ASAP1: variants seen among roughly 807,000 people sequenced by gnomAD.
The protein encoded by ASAP1 is ArfGAP with SH3 domain, ankyrin repeat and PH domain 1.
In ASAP1, 43 loss-of-function variants were observed where a neutral mutation model predicts 145.2. That is an observed-to-expected ratio of 0.30 (90% CI 0.23 to 0.38). ASAP1 has a LOEUF of 0.38. Among genes scored for constraint, ASAP1 ranks in the 10% least tolerant of loss-of-function variants. ASAP1 has a pLI of 1.00. For missense variants in ASAP1, 1,018 were observed against 1,355.3 expected (o/e 0.75, Z 3.91); for synonymous variants, 546 against 515.5 (o/e 1.06, Z -0.80).
chr8:130,201,698 A>C (rs1447920231), intron 5 of ASAP1, among the ~76,000 whole-genome samples: 1 of 152,236 alleles, frequency 6.6e-6, no homozygotes, highest in Non-Finnish European at 1.5e-5. Context: ...GGTTTGAGAA[A>C]GATATCCCTA....
At position 130,282,480 on chromosome 8, in the gene ASAP1, T is replaced by C. The variant is rs553560559; in HGVS notation, c.187-45486A>G. 2.6e-5 allele frequency among the ~76,000 whole-genome samples: 4 copies of C among 152,338 alleles called. No individual in the cohort carries two copies. The South Asian group carries it at 6.2e-4, about 24-fold the overall frequency. On this transcript the variant is annotated intron_variant, in intron 3 of 29. Coordinates refer to ENST00000518721, the MANE Select transcript of ASAP1 (RefSeq NM_018482.4). Reference sequence around the variant, plus strand: ...TCTGAAACTGCTTAAGGTTCACCAATTGCAATACGACTGTTACCATCTGCA... The same window carrying C: ...TCTGAAACTGCTTAAGGTTCACCAACTGCAATACGACTGTTACCATCTGCA...
At chr8:130,273,351 G>A (rs1258171248) in intron 3 of ASAP1, among the ~76,000 whole-genome samples, 2 of 152,064 alleles carry the variant, frequency 1.3e-5, no homozygotes, top group Admixed American at 6.6e-5. Context: ...GAAGTTCAGC[G>A]GTCCCTCCCA....
intron 3 of ASAP1, among the ~76,000 whole-genome samples, chr8:130,247,929 G>C (rs1818950897): frequency 6.6e-6 from 1 of 152,122 alleles, no homozygotes; most frequent in African/African-American, 2.4e-5. Flanking sequence ...ACAGAAAATA[G>C]GCTTAATATA....
chr8:130,076,883 C>T (rs2097463619), intron 26 of ASAP1, among the ~76,000 whole-genome samples: 1 of 151,692 alleles, frequency 6.6e-6, no homozygotes. Context: ...GCTGAGGAGG[C>T]ACAGTAAAAG....
chr8:130,120,050 G>C (rs1027707562), intron 18 of ASAP1, among the ~76,000 whole-genome samples: 4 of 152,220 alleles, frequency 2.6e-5, no homozygotes, highest in Non-Finnish European at 5.9e-5. Context: ...AGTAAAAACA[G>C]TTGAGCTGGT....
chr8:130,285,632 G>T (rs1434944917), intron 3 of ASAP1, among the ~76,000 whole-genome samples: 1 of 152,150 alleles, frequency 6.6e-6, no homozygotes, highest in Non-Finnish European at 1.5e-5. Context: ...ACAACAGGTT[G>T]GTTTTGTTTT....
At chr8:130,219,763 G>C (rs540443331) in intron 4 of ASAP1, among the ~76,000 whole-genome samples, 144 of 152,300 alleles carry the variant, frequency 9.5e-4, no homozygotes, top group African/African-American at 3.3e-3. Context: ...TGGCATCCAC[G>C]ACATTGTTGC....
At chr8:130,058,101 A>G in intron 28 of ASAP1, 25 bp from the exon 29 acceptor site, 1 of 1,610,032 alleles carries the variant, frequency 6.2e-7, no homozygotes, top group South Asian at 1.1e-5. Context: ...CTGGGTTTTA[A>G]TTGAAAGAAT....
intron 25 of ASAP1, among the ~76,000 whole-genome samples, chr8:130,086,631 C>T (rs1281337850): frequency 2.0e-5 from 3 of 152,086 alleles, no homozygotes; most frequent in Non-Finnish European, 4.4e-5. Context: ...TGGTGAAACC[C>T]CGTCTCCACA....
intron 3 of ASAP1, among the ~76,000 whole-genome samples, chr8:130,315,145 C>T (rs1019174898): frequency 6.6e-6 from 1 of 152,070 alleles, no homozygotes; most frequent in Non-Finnish European, 1.5e-5. Context: ...GCAAAAAATA[C>T]TACATATCAA....
intron 28 of ASAP1, 54 bp from the exon 29 acceptor site, chr8:130,058,130 G>A: frequency 6.3e-7 from 1 of 1,591,598 alleles, no homozygotes; most frequent in Non-Finnish European, 8.6e-7. Context: ...TGGAAAAAAA[G>A]AGCAGCGGTT....
At chr8:130,422,500 C>T (rs536684865) in intron 1 of ASAP1, among the ~76,000 whole-genome samples, 3 of 152,306 alleles carry the variant, frequency 2.0e-5, no homozygotes, top group South Asian at 2.1e-4. Context: ...TGTACTTTCC[C>T]GCCTTCTCCC....
intron 27 of ASAP1, among the ~76,000 whole-genome samples, chr8:130,062,564 C>T (rs1032141089): frequency 1.3e-5 from 2 of 152,156 alleles, no homozygotes; most frequent in African/African-American, 4.8e-5. Context: ...TAGGGGGAAT[C>T]CCTGAGGTGG....
chr8:130,108,565 G>A (rs1318564242), intron 24 of ASAP1, among the ~76,000 whole-genome samples: 14 of 152,068 alleles, frequency 9.2e-5, no homozygotes, highest in Admixed American at 4.6e-4. Flanking sequence ...TTGGGAGGCC[G>A]AGGCAGGTGG....
intron 3 of ASAP1, among the ~76,000 whole-genome samples, chr8:130,343,603 T>A (rs1353711198): frequency 1.3e-5 from 2 of 152,148 alleles, no homozygotes; most frequent in Non-Finnish European, 2.9e-5. Flanking sequence ...GACAAATATA[T>A]AAGAAATTTA....
chr8:130,082,355 A>AT (rs1564938074), intron 25 of ASAP1, among the ~76,000 whole-genome samples: 1 of 151,584 alleles, frequency 6.6e-6, no homozygotes, highest in Admixed American at 6.6e-5. Context: ...TAGGGCATTT[A>AT]TTTTTTTTCT....
intron 1 of ASAP1, among the ~76,000 whole-genome samples, chr8:130,431,520 T>C (rs1830134176): frequency 6.6e-6 from 1 of 152,246 alleles, no homozygotes; most frequent in African/African-American, 2.4e-5. Flanking sequence ...TAGAATTTCC[T>C]TCCCTTCCTT....
intron 3 of ASAP1, among the ~76,000 whole-genome samples, chr8:130,343,543 G>T (rs1825520772): frequency 6.6e-6 from 1 of 152,170 alleles, no homozygotes; most frequent in African/African-American, 2.4e-5. Context: ...GGCTGCCCAG[G>T]GCTGGAACAA....
chr8:130,373,013 T>G (rs7836994), intron 2 of ASAP1, among the ~76,000 whole-genome samples: 8 of 137,260 alleles, frequency 5.8e-5, no homozygotes, highest in East Asian at 2.2e-4. Flanking sequence ...CAGACACACA[T>G]ACACACAGAC....
Sources: allele counts gnomAD v4.1 joint callset (sites outside exome capture counted in the v4.1 genomes callset), GRCh38; gene constraint gnomAD v4.1.1; transcripts MANE v1.5; gene names NCBI Gene and HGNC (gene_info 2026-07-23, HGNC 2026-07-21).